Variants in LIN28B observed in about 807,000 individuals in gnomAD.
LIN28B encodes the protein lin-28 RNA binding posttranscriptional regulator B.
A neutral mutation model predicts 21.9 loss-of-function variants in LIN28B; 5 were observed. The observed-to-expected ratio is 0.23, with a 90% CI of 0.12 to 0.48. The LOEUF (loss-of-function observed/expected upper bound fraction) is 0.48, where lower values mean the gene tolerates loss of function less well. Ranked by LOEUF, LIN28B falls within the 20% of genes least tolerant of loss-of-function variation. The pLI, the probability that LIN28B is intolerant of heterozygous loss-of-function variation, is 0.98. For synonymous variants in LIN28B, 109 were observed against 111.3 expected, an observed-to-expected ratio of 0.98 and a Z score of 0.13; for missense variants, 245 against 310.5, an observed-to-expected ratio of 0.79 and a Z score of 1.58.
At chr6:104,996,049 C>A (rs1770592897) in intron 2 of LIN28B, among the ~76,000 whole-genome samples, 1 of 151,874 alleles carries the variant, frequency 6.6e-6, no homozygotes, top group Admixed American at 6.6e-5. Flanking sequence ...TTATAATTTG[C>A]AGCAGTGTGA....
intron 3 of LIN28B, among the ~76,000 whole-genome samples, chr6:104,951,439 A>C (rs1778219411): frequency 1.3e-5 from 2 of 152,108 alleles, no homozygotes; most frequent in Non-Finnish European, 2.9e-5. Flanking sequence ...GTGATACTCT[A>C]ATATCATGAA....
rs73771041 is a variant in LIN28B at position 104,983,994 on chromosome 6, C to T, written c.198+25708C>T. Among the ~76,000 whole-genome samples, 576 of 152,314 alleles carry T rather than the reference C, an allele frequency of 3.8e-3. 2 individuals carry two copies. The highest frequency in any genetic ancestry group is 0.014 in the African/African-American group (566 of 41,570). ...TGACAAGTAAGTCACGAACAATTTACTTGCCGGCACCAATCCTCATACCAC... is the reference window on the plus strand; with the variant it reads ...TGACAAGTAAGTCACGAACAATTTATTTGCCGGCACCAATCCTCATACCAC... On this transcript the variant is annotated intron_variant, in intron 2 of 3. Coordinates refer to ENST00000345080, the MANE Select transcript of LIN28B (RefSeq NM_001004317.4).
At chr6:104,945,906 ATTC>A (rs1194943471) in intron 2 of LIN28B, among the ~76,000 whole-genome samples, 8 of 152,022 alleles carry the variant, frequency 5.3e-5, no homozygotes, top group East Asian at 3.8e-4. Context: ...TCCAAAATAA[ATTC>A]TTCTTATTAC....
intron 2 of LIN28B, among the ~76,000 whole-genome samples, chr6:104,996,153 A>C (rs1770596362): frequency 1.3e-5 from 2 of 152,124 alleles, no homozygotes; most frequent in Non-Finnish European, 2.9e-5. Flanking sequence ...GGATTTGCAG[A>C]GGGTTAAGGA....
At chr6:105,017,362 T>A (rs1771051557) in intron 2 of LIN28B, among the ~76,000 whole-genome samples, 1 of 152,166 alleles carries the variant, frequency 6.6e-6, no homozygotes, top group Non-Finnish European at 1.5e-5. Flanking sequence ...CCATACATGT[T>A]TGTCTTCTCC....
At chr6:105,047,548 T>A (rs1722510765) in intron 3 of LIN28B, among the ~76,000 whole-genome samples, 2 of 152,246 alleles carry the variant, frequency 1.3e-5, no homozygotes, top group African/African-American at 2.4e-5. Flanking sequence ...TTTCCAATTC[T>A]GTGAAGAAAG....
chr6:105,053,562 G>C (rs1009494080), intron 3 of LIN28B, among the ~76,000 whole-genome samples: 2 of 152,064 alleles, frequency 1.3e-5, no homozygotes, highest in Non-Finnish European at 2.9e-5. Flanking sequence ...TTCATATTGG[G>C]CATATTATGT....
At chr6:104,993,090 T>G (rs1770528326) in intron 2 of LIN28B, among the ~76,000 whole-genome samples, 1 of 152,204 alleles carries the variant, frequency 6.6e-6, no homozygotes, top group South Asian at 2.1e-4. Flanking sequence ...AACTGTTTTT[T>G]TATCTTATTT....
At chr6:104,998,175 T>A (rs980132068) in intron 2 of LIN28B, among the ~76,000 whole-genome samples, 1 of 152,166 alleles carries the variant, frequency 6.6e-6, no homozygotes, top group Non-Finnish European at 1.5e-5. Flanking sequence ...TTTTAAGAAG[T>A]GTTTCATGTT....
chr6:104,957,982 T>A lies in LIN28B; in HGVS notation c.11-117T>A, dbSNP rs552812169. The stretch of plus-strand genomic sequence containing the variant: ...AAAGAAATCAAACCATTAAAAAAAA[T>A]TTTTTTTTTCTGTTACCCTTCCCCC... On this transcript the variant is annotated intron_variant, in intron 1 of 3. Transcript: ENST00000345080. The A allele has an allele frequency of 2.9e-4, 159 of 544,468 alleles. 1 individual carries two copies. Among genetic ancestry groups the A allele is most frequent in the South Asian group, 1.2e-3 (26 of 20,878 alleles). The allele number at this position is 544,468 out of a possible 1,614,324, so 33.7% of individuals were successfully genotyped here. A position where few individuals can be genotyped will look rare whatever the true frequency, so the allele number is the denominator to read the frequency against.
intron 2 of LIN28B, among the ~76,000 whole-genome samples, chr6:104,982,564 C>T (rs1293595341): frequency 1.3e-5 from 2 of 152,074 alleles, no homozygotes. Flanking sequence ...AGTATGCTGT[C>T]AATCTCCATG....
chr6:104,998,123 A>AAC (rs1562087039), intron 2 of LIN28B, among the ~76,000 whole-genome samples: 1 of 152,244 alleles, frequency 6.6e-6, no homozygotes, highest in Non-Finnish European at 1.5e-5. Flanking sequence ...ACCATACAAT[A>AAC]ACAGAATATT....
At chr6:105,074,611 G>A (rs773989133) in intron 3 of LIN28B, among the ~76,000 whole-genome samples, 1 of 152,162 alleles carries the variant, frequency 6.6e-6, no homozygotes, top group Non-Finnish European at 1.5e-5. Flanking sequence ...AATAATACTT[G>A]TAGAATATGC....
rs1300777414 is a variant in LIN28B at position 104,989,584 on chromosome 6, T to TG, written c.198+31298_198+31299insG. ...ATTTTTATTTTACTTGGGTTTTTTT[T>TG]TTTTTTTTTTTTTTTTTGCATTTTT... On this transcript the variant is annotated intron_variant, in intron 2 of 3. Coordinates refer to ENST00000345080, the MANE Select transcript of LIN28B (RefSeq NM_001004317.4). 4.6e-5 allele frequency among the ~76,000 whole-genome samples: 6 copies of TG among 130,350 alleles called. No homozygotes were observed. The East Asian group carries it at 1.3e-3, about 27-fold the overall frequency. The allele number at this position is 130,350 out of a possible 152,430, so 85.5% of individuals were successfully genotyped here. A position where few individuals can be genotyped will look rare whatever the true frequency, so the allele number is the denominator to read the frequency against.
intron 3 of LIN28B, among the ~76,000 whole-genome samples, chr6:105,050,135 G>A (rs1771867149): frequency 6.6e-6 from 1 of 152,228 alleles, no homozygotes; most frequent in South Asian, 2.1e-4. Flanking sequence ...TGCAGTGGCT[G>A]GTACTGGTTG....
chr6:105,081,103 C>T lies in LIN28B; in HGVS notation c.*2320C>T, dbSNP rs1005971612. On this transcript the variant is annotated 3_prime_UTR_variant, in exon 4 of 4. Coordinates refer to ENST00000345080, the MANE Select transcript of LIN28B (RefSeq NM_001004317.4). The stretch of plus-strand genomic sequence containing the variant: ...TTATATGAGAATATTATCACTATTA[C>T]ATAACATACTCAGGACAAAGAACTT... 2.6e-5 allele frequency: 4 copies of T among 152,586 alleles called. No homozygotes were observed. The highest frequency in any genetic ancestry group is 2.0e-4 in the Admixed American group (3 of 15,272). 9.5% of individuals were successfully genotyped at this position (152,586 alleles called of 1,614,324 possible). A position where few individuals can be genotyped will look rare whatever the true frequency, so the allele number is the denominator to read the frequency against.
rs560103723 is a variant in LIN28B at position 105,016,805 on chromosome 6, C to A, written c.199-9493C>A. Reference sequence around the variant, plus strand: ...AGCGCGGTGGCTCATGCCTGTAATCCCAGCCCTTCGCGAGGCTGAGTTGGG... The same window carrying A: ...AGCGCGGTGGCTCATGCCTGTAATCACAGCCCTTCGCGAGGCTGAGTTGGG... On this transcript the variant is annotated intron_variant, in intron 2 of 3. Coordinates refer to ENST00000345080, the MANE Select transcript of LIN28B (RefSeq NM_001004317.4). 2.0e-5 allele frequency among the ~76,000 whole-genome samples: 3 copies of A among 152,002 alleles called. No homozygotes were observed. In the East Asian group the frequency reaches 5.8e-4, roughly 29 times the overall value.
intron 2 of LIN28B, among the ~76,000 whole-genome samples, chr6:104,979,858 T>G (rs1770184715): frequency 6.6e-6 from 1 of 152,234 alleles, no homozygotes; most frequent in Non-Finnish European, 1.5e-5. Context: ...TTCTGTATTA[T>G]TTCTTACTTT....
rs1411776779 is a variant in LIN28B, at chr6:105,064,700, CCAAA to C, written c.384-13709_384-13706del. The stretch of plus-strand genomic sequence containing the variant: ...TTTGAATAAAAGGCTCAAGTATTGC[CCAAA>C]CAAATTTACCTCCTTTTACCACACC... On this transcript the variant is annotated intron_variant, in intron 3 of 3. Transcript: ENST00000345080. 7.9e-5 allele frequency among the ~76,000 whole-genome samples: 12 copies of C among 152,028 alleles called. No homozygotes were observed. The South Asian group carries it at 8.4e-4, about 11-fold the overall frequency.
Sources: gnomAD v4.1 joint callset for allele counts (sites outside exome capture counted in the v4.1 genomes callset) on GRCh38, gnomAD v4.1.1 for gene constraint, MANE v1.5 for transcripts, NCBI Gene and HGNC (gene_info 2026-07-23, HGNC 2026-07-21) for gene names.